Variants in CATIP observed in about 807,000 individuals in gnomAD.
The protein encoded by CATIP is ciliogenesis associated TTC17 interacting protein.
In CATIP, 40 loss-of-function variants were observed where a neutral mutation model predicts 42.5. The ratio of observed to expected loss-of-function variants is 0.94; its 90% CI spans 0.73 to 1.22. The LOEUF (loss-of-function observed/expected upper bound fraction) is 1.22, where lower values mean the gene tolerates loss of function less well. Among genes scored for constraint, CATIP ranks in the 50% most tolerant of loss-of-function variants. CATIP has a pLI of 0.00. For missense variants in CATIP, 489 were observed against 496.0 expected (o/e 0.99, Z 0.13); for synonymous variants, 222 against 200.2 (o/e 1.11, Z -0.92).
Position 218,364,663 on chromosome 2 carries a change from T to C in CATIP, c.666T>C (p.His222=), listed in dbSNP as rs1695361955. The C allele has an allele frequency of 3.1e-6, 5 of 1,614,062 alleles. No individual in the cohort carries two copies. Among genetic ancestry groups the C allele is most frequent in the Non-Finnish European group, 3.4e-6 (4 of 1,179,952 alleles). The change falls in exon 7 of 10, where the codon CAT becomes CAC. Residue 222 remains histidine (H), a synonymous_variant. Transcript: ENST00000289388. ...NLGFQTIQVD[H]QQAEVFIVEQ... Reference sequence around the variant, plus strand: ...GCTTCCAGACCATCCAGGTAGACCATCAGCAGGCTGAAGTCTTCATCGTGG... The same window carrying C: ...GCTTCCAGACCATCCAGGTAGACCACCAGCAGGCTGAAGTCTTCATCGTGG...
Position 218,367,864 on chromosome 2 carries a change from A to G in CATIP, c.1064A>G (p.Asp355Gly). 1 of 1,612,950 alleles carries G rather than the reference A, an allele frequency of 6.2e-7. No individual in the cohort carries two copies. Among genetic ancestry groups the G allele is most frequent in the Non-Finnish European group, 8.5e-7 (1 of 1,179,836 alleles). Reference protein sequence around the residue: ...TFAAEFFGPFDPWRPSSPALG... With the variant: ...TFAAEFFGPFGPWRPSSPALG... Reference sequence around the variant, plus strand: ...GCCGCCGAGTTCTTCGGCCCCTTCGACCCGTGGCGTCCGTCGTCACCGGCC... The same window carrying G: ...GCCGCCGAGTTCTTCGGCCCCTTCGGCCCGTGGCGTCCGTCGTCACCGGCC... Residue 355 changes from aspartate (D) to glycine (G), a missense_variant, in exon 10 of 10, where the codon GAC becomes GGC. Asp to Gly is a moderately conservative substitution (Grantham distance 94). Transcript: ENST00000289388.
chr2:218,363,180 T>TA (rs1464759882), intron 6 of CATIP, among the ~76,000 whole-genome samples: 3 of 152,024 alleles, frequency 2.0e-5, no homozygotes, highest in Non-Finnish European at 2.9e-5. Flanking sequence ...AGGGCTGATT[T>TA]AAAAAATACA....
At chr2:218,358,349 A>G (rs960445733) in intron 4 of CATIP, among the ~76,000 whole-genome samples, 2 of 150,576 alleles carry the variant, frequency 1.3e-5, no homozygotes, top group Non-Finnish European at 3.0e-5. Flanking sequence ...TGGGCGGATC[A>G]CCCTGAGGTC....
chr2:218,360,046 G>C (rs1440333967), intron 4 of CATIP, among the ~76,000 whole-genome samples: 1 of 151,946 alleles, frequency 6.6e-6, no homozygotes, highest in African/African-American at 2.4e-5. Flanking sequence ...GGCTGGTCTT[G>C]AACTCCTGAC....
At position 218,362,892 on chromosome 2, in the gene CATIP, A is replaced by G. The variant is rs1289721231; in HGVS notation, c.620A>G (p.Tyr207Cys). Residue 207 changes from tyrosine to cysteine, a missense_variant, in exon 6 of 10, where the codon TAT becomes TGT. Coordinates refer to ENST00000289388, the MANE Select transcript of CATIP (RefSeq NM_198559.2). ...TTGGACACCGAGGGCAAACTCTGCT[A>G]TTTGACCTATGTAAGGGGTCCCCTT... is the stretch of plus-strand genomic sequence containing the variant. ...LTLDTEGKLC[Y>C]LTYQNLGFQT... 3 of 1,613,236 alleles carry G rather than the reference A, an allele frequency of 1.9e-6. No individual in the cohort carries two copies. Among genetic ancestry groups the G allele is most frequent in the Non-Finnish European group, 2.5e-6 (3 of 1,179,716 alleles).
chr2:218,363,202 C>A (rs1695296363), intron 6 of CATIP, among the ~76,000 whole-genome samples: 1 of 151,976 alleles, frequency 6.6e-6, no homozygotes, highest in South Asian at 2.1e-4. Context: ...CATTTTGGGC[C>A]AGGTGTGGTG....
chr2:218,357,595 G>T lies in CATIP; in HGVS notation c.180G>T (p.Gly60=). 1 of 1,614,042 alleles carries T rather than the reference G, an allele frequency of 6.2e-7. No individual in the cohort carries two copies. Among genetic ancestry groups the T allele is most frequent in the African/African-American group, 1.3e-5 (1 of 75,024 alleles). Reference sequence around the variant, plus strand: ...CGCTGGCCATGGTCTCAGACACCGGGGAGCCTCAGGGAGAGCTGACCATTG... The same window carrying T: ...CGCTGGCCATGGTCTCAGACACCGGTGAGCCTCAGGGAGAGCTGACCATTG... ...SETLAMVSDT[G]EPQGELTIEV... Residue 60 remains glycine, a synonymous_variant, in exon 3 of 10, where the codon GGG becomes GGT. Coordinates refer to ENST00000289388, the MANE Select transcript of CATIP (RefSeq NM_198559.2).
chr2:218,357,100 A>G lies in CATIP; in HGVS notation c.31A>G (p.Arg11Gly), dbSNP rs1460707836. 2 of 1,613,136 alleles carry G rather than the reference A, an allele frequency of 1.2e-6. No homozygotes were observed. Among genetic ancestry groups the G allele is most frequent in the Non-Finnish European group, 1.7e-6 (2 of 1,179,404 alleles). ...AGCCTCTCATCCCTCTGTAGGCTCC[A>G]GAGCTAAGGACCACCAGCCCTCGGG... Reference protein sequence around the residue: MSSKVYSTGSRAKDHQPSGPE... With the variant: MSSKVYSTGSGAKDHQPSGPE... Residue 11 changes from arginine to glycine, a missense_variant, in exon 2 of 10, where the codon AGA becomes GGA. Coordinates refer to ENST00000289388, the MANE Select transcript of CATIP (RefSeq NM_198559.2).
chr2:218,367,351 G>T, intron 8 of CATIP, 79 bp from the exon 9 acceptor site: 1 of 1,317,018 alleles, frequency 7.6e-7, no homozygotes, highest in South Asian at 1.2e-5. Context: ...CCTTCTGTTT[G>T]GGTGTTCTCG....
In CATIP at chr2:218,357,585, C is replaced by T. The variant is rs142157169; in HGVS notation, c.170C>T (p.Ser57Leu). ...TTCTCTGAGACGCTGGCCATGGTCT[C>T]AGACACCGGGGAGCCTCAGGGAGAG... is the stretch of plus-strand genomic sequence containing the variant. ...LFFSETLAMV[S>L]DTGEPQGELT... The change falls in exon 3 of 10, where the codon TCA becomes TTA. Residue 57 changes from serine (S) to leucine (L), a missense_variant. Coordinates refer to ENST00000289388, the MANE Select transcript of CATIP (RefSeq NM_198559.2). 1,293 of 1,614,066 alleles carry T rather than the reference C, an allele frequency of 8.0e-4. 3 individuals are homozygous for T. Among genetic ancestry groups the T allele is most frequent in the Non-Finnish European group, 1.0e-3 (1,200 of 1,179,988 alleles).
chr2:218,357,968 C>T, intron 3 of CATIP, 69 bp from the exon 4 acceptor site: 1 of 1,459,172 alleles, frequency 6.9e-7, no homozygotes, highest in Admixed American at 1.7e-5. Context: ...GCTGCGCCAC[C>T]ACCTTCCCTT....
Position 218,367,966 on chromosome 2 carries a change from C to T in CATIP, c.*2C>T, listed in dbSNP as rs557746936. The T allele has an allele frequency of 1.9e-6, 3 of 1,569,456 alleles. No homozygotes were observed. The highest frequency in any genetic ancestry group is 4.7e-5 in the East Asian group (2 of 42,756). ...GACGCCCGCTCGGGGGCGGCCTAAGCGGGGCCCAGGCCCGGACAGGGCAGG... is the reference window on the plus strand; with the variant it reads ...GACGCCCGCTCGGGGGCGGCCTAAGTGGGGCCCAGGCCCGGACAGGGCAGG... On this transcript the variant is annotated 3_prime_UTR_variant, in exon 10 of 10. Transcript: ENST00000289388.
chr2:218,362,683 T>TC, intron 5 of CATIP, 52 bp from the exon 6 acceptor site: 1 of 1,569,554 alleles, frequency 6.4e-7, no homozygotes, highest in African/African-American at 1.4e-5. Flanking sequence ...CACCCTCCTG[T>TC]CCCCTGCCCC....
chr2:218,357,963 G>A (rs148664475), intron 3 of CATIP, 74 bp from the exon 4 acceptor site: 69 of 1,415,412 alleles, frequency 4.9e-5, no homozygotes, highest in African/African-American at 2.7e-4. Flanking sequence ...CTCCAGCTGC[G>A]CCACCACCTT....
At chr2:218,359,504 G>T (rs1054007721) in intron 4 of CATIP, among the ~76,000 whole-genome samples, 5 of 152,080 alleles carry the variant, frequency 3.3e-5, no homozygotes, top group African/African-American at 1.2e-4. Context: ...TGGGAGACTT[G>T]GAGGCCAGGT....
chr2:218,364,722 T>C lies in CATIP; in HGVS notation c.725T>C (p.Met242Thr). 6.2e-7 allele frequency: 1 copy of C among 1,613,812 alleles called. No homozygotes were observed. ...GTCCACGCGGAGGAGGGCATCCCCATGTCCTGCCAGTACTACCTGCTCTCC... is the reference window on the plus strand; with the variant it reads ...GTCCACGCGGAGGAGGGCATCCCCACGTCCTGCCAGTACTACCTGCTCTCC... ...QTVHAEEGIP[M>T]SCQYYLLSDG... Residue 242 changes from methionine to threonine, a missense_variant, in exon 7 of 10, where the codon ATG becomes ACG. Physicochemically the swap from Met to Thr is moderately conservative, Grantham distance 81 (BLOSUM62 -1). Transcript: ENST00000289388.
At position 218,357,517 on chromosome 2, in the gene CATIP, C is replaced by T. The variant is rs750122627; in HGVS notation, c.119-17C>T. ...GGAGCAGGGGCTTTATCTGTTCCCA[C>T]GGGCCCCTCACCCCAGACAAGGAGG... is the stretch of plus-strand genomic sequence containing the variant. On this transcript the variant is annotated splice_polypyrimidine_tract_variant and intron_variant, in intron 2 of 9. Coordinates refer to ENST00000289388, the MANE Select transcript of CATIP (RefSeq NM_198559.2). 42 of 1,609,284 alleles carry T rather than the reference C, an allele frequency of 2.6e-5. No individual in the cohort carries two copies. Among genetic ancestry groups the T allele is most frequent in the Admixed American group, 1.0e-4 (6 of 59,896 alleles).
At chr2:218,367,676 C>T in intron 9 of CATIP, 46 bp from the exon 10 acceptor site, 1 of 1,575,002 alleles carries the variant, frequency 6.3e-7, no homozygotes, top group Non-Finnish European at 8.6e-7. Flanking sequence ...GCTCCTGGGG[C>T]GCGGGGGTCC....
At chr2:218,361,689 T>C (rs900150143) in intron 5 of CATIP, among the ~76,000 whole-genome samples, 5 of 152,224 alleles carry the variant, frequency 3.3e-5, no homozygotes, top group Non-Finnish European at 7.3e-5. Context: ...GGGAGTTATA[T>C]AGCTTTTTTT....
Sources: allele counts gnomAD v4.1 joint callset (sites outside exome capture counted in the v4.1 genomes callset), GRCh38; gene constraint gnomAD v4.1.1; transcripts MANE v1.5; gene names NCBI Gene and HGNC (gene_info 2026-07-23, HGNC 2026-07-21).